The following CCDC91 variants were observed in gnomAD, a reference collection of about 807,000 sequenced individuals.
CCDC91 encodes coiled-coil domain containing 91, also known as coiled-coil domain-containing protein 91.
A neutral mutation model predicts 63.2 loss-of-function variants in CCDC91; 48 were observed. The ratio of observed to expected loss-of-function variants is 0.76; its 90% CI spans 0.60 to 0.97. The LOEUF (loss-of-function observed/expected upper bound fraction) is 0.97. Among genes scored for constraint, CCDC91 ranks in the 50% least tolerant of loss-of-function variants. The probability of loss-of-function intolerance (pLI) is 0.00; values close to 1 mark genes in which losing one functional copy is unlikely to be tolerated. For missense variants in CCDC91, 500 were observed against 494.6 expected, an observed-to-expected ratio of 1.01 and a Z score of -0.10; for synonymous variants, 167 against 165.8, an observed-to-expected ratio of 1.01 and a Z score of -0.06.
At chr12:28,386,693 T>A (rs1257083879) in intron 7 of CCDC91, among the ~76,000 whole-genome samples, 2 of 152,196 alleles carry the variant, frequency 1.3e-5, no homozygotes, top group African/African-American at 2.4e-5. Flanking sequence ...AGTGTGATAG[T>A]TTTCCTCAAG....
In CCDC91 at chr12:28,491,406, A is replaced by G. The variant is rs76844230; in HGVS notation, c.1215+7241A>G. On this transcript the variant is annotated intron_variant, in intron 12 of 12. Transcript: ENST00000536442. ...TATTTTGGAAGGAAAGTATAAGAAC[A>G]TACTCCTTAACGAATTAAGTGAGGT... Among the ~76,000 whole-genome samples the G allele has an allele frequency of 4.0e-4, 61 of 151,914 alleles. No individual in the cohort carries two copies. In the East Asian group the frequency reaches 0.011, roughly 28 times the overall value.
At chr12:28,222,242 C>T (rs1296060899) in intron 1 of CCDC91, among the ~76,000 whole-genome samples, 3 of 152,052 alleles carry the variant, frequency 2.0e-5, no homozygotes, top group Non-Finnish European at 4.4e-5. Flanking sequence ...TTCCTTCCAA[C>T]CTTTATCATA....
At chr12:28,274,601 C>A (rs1948059213) in intron 3 of CCDC91, among the ~76,000 whole-genome samples, 1 of 152,072 alleles carries the variant, frequency 6.6e-6, no homozygotes, top group Non-Finnish European at 1.5e-5. Context: ...CTCTTTGAAG[C>A]AATTGTGAAT....
At chr12:28,330,689 G>T (rs1941429348) in intron 6 of CCDC91, among the ~76,000 whole-genome samples, 1 of 151,998 alleles carries the variant, frequency 6.6e-6, no homozygotes, top group Non-Finnish European at 1.5e-5. Flanking sequence ...GTCCGATTAA[G>T]GACATTATTA....
chr12:28,469,011 A>G (rs1413735576), intron 11 of CCDC91, among the ~76,000 whole-genome samples: 1 of 151,874 alleles, frequency 6.6e-6, no homozygotes, highest in Non-Finnish European at 1.5e-5. Context: ...GAAAGCCTAT[A>G]CTCTTAGATC....
intron 8 of CCDC91, among the ~76,000 whole-genome samples, chr12:28,408,270 T>G (rs1359220778): frequency 4.6e-5 from 7 of 152,204 alleles, no homozygotes; most frequent in Non-Finnish European, 8.8e-5. Flanking sequence ...TTGCTGAGAA[T>G]GATGGCTTCC....
At chr12:28,275,421 G>T (rs553913004) in intron 3 of CCDC91, among the ~76,000 whole-genome samples, 1 of 152,072 alleles carries the variant, frequency 6.6e-6, no homozygotes, top group African/African-American at 2.4e-5. Flanking sequence ...ACTAAACCAG[G>T]AAGAAGTTGA....
intron 6 of CCDC91, among the ~76,000 whole-genome samples, chr12:28,331,584 G>A (rs1465863068): frequency 6.6e-6 from 1 of 152,134 alleles, no homozygotes; most frequent in African/African-American, 2.4e-5. Flanking sequence ...ATTAGACTAT[G>A]TTTCAAAAAA....
chr12:28,210,963 G>A (rs1477792118), intron 1 of CCDC91, among the ~76,000 whole-genome samples: 2 of 150,824 alleles, frequency 1.3e-5, no homozygotes, highest in Non-Finnish European at 2.9e-5. Context: ...CTTCTTTCAG[G>A]TATCTGCAGC....
chr12:28,515,941 A>G (rs1430577773), intron 12 of CCDC91, among the ~76,000 whole-genome samples: 2 of 152,054 alleles, frequency 1.3e-5, no homozygotes, highest in Non-Finnish European at 1.5e-5. Context: ...CTTGCCATAA[A>G]GAACATATAT....
intron 6 of CCDC91, among the ~76,000 whole-genome samples, chr12:28,326,875 G>C (rs1200887461): frequency 6.6e-6 from 1 of 152,048 alleles, no homozygotes; most frequent in Non-Finnish European, 1.5e-5. Context: ...AAAACTGAAG[G>C]TGAACAACAA....
intron 8 of CCDC91, among the ~76,000 whole-genome samples, chr12:28,442,810 T>G (rs1949296245): frequency 6.6e-6 from 1 of 152,076 alleles, no homozygotes; most frequent in South Asian, 2.1e-4. Flanking sequence ...GAACAAGGTT[T>G]TAAAGTATTT....
At chr12:28,365,574 G>A (rs1248505161) in intron 7 of CCDC91, among the ~76,000 whole-genome samples, 2 of 152,186 alleles carry the variant, frequency 1.3e-5, no homozygotes, top group Admixed American at 1.3e-4. Flanking sequence ...AACAAAAGTT[G>A]TGTGAACATT....
chr12:28,439,726 C>T (rs1235623007), intron 8 of CCDC91, among the ~76,000 whole-genome samples: 34 of 129,602 alleles, frequency 2.6e-4, no homozygotes, highest in East Asian at 4.2e-4. Context: ...TTTTTTCTTT[C>T]TTTTTTCTTT....
intron 12 of CCDC91, among the ~76,000 whole-genome samples, chr12:28,529,546 T>C (rs1941562192): frequency 6.6e-6 from 1 of 152,170 alleles, no homozygotes; most frequent in African/African-American, 2.4e-5. Flanking sequence ...GGATTAAGAA[T>C]GAGATTTATG....
chr12:28,472,917 T>C (rs1950893410), intron 11 of CCDC91, among the ~76,000 whole-genome samples: 1 of 152,268 alleles, frequency 6.6e-6, no homozygotes, highest in South Asian at 2.1e-4. Flanking sequence ...TAGTTTGAGT[T>C]CATAAATTTG....
At chr12:28,499,587 T>A (rs1952511997) in intron 12 of CCDC91, among the ~76,000 whole-genome samples, 1 of 151,984 alleles carries the variant, frequency 6.6e-6, no homozygotes, top group Non-Finnish European at 1.5e-5. Flanking sequence ...CTCCCACTTA[T>A]GAGTGAGAAC....
intron 1 of CCDC91, chr12:28,236,761 T>C (rs1944976770): frequency 6.6e-6 from 1 of 152,144 alleles, no homozygotes; most frequent in African/African-American, 2.4e-5. Context: ...ATTTTCATTA[T>C]GGAATGTTTT....
intron 12 of CCDC91, among the ~76,000 whole-genome samples, chr12:28,519,032 T>C (rs1298859493): frequency 6.6e-6 from 1 of 152,000 alleles, no homozygotes. Context: ...ATACAGGCTC[T>C]TTTTTGGTTC....
Sources: allele counts gnomAD v4.1 joint callset (sites outside exome capture counted in the v4.1 genomes callset), GRCh38; gene constraint gnomAD v4.1.1; transcripts MANE v1.5; gene names NCBI Gene and HGNC (gene_info 2026-07-23, HGNC 2026-07-21).